Variants in SBK1 observed in about 807,000 individuals in gnomAD.
SBK1 encodes the protein SH3 domain binding kinase 1.
Under a neutral mutation model 24.4 loss-of-function variants are expected in SBK1, and 11 were observed. The ratio of observed to expected loss-of-function variants is 0.45; its 90% confidence interval spans 0.28 to 0.75. The LOEUF (loss-of-function observed/expected upper bound fraction) is 0.75. Ranked by LOEUF, SBK1 falls within the 30% of genes least tolerant of loss-of-function variation. The pLI is 0.12. For missense variants in SBK1, 467 were observed against 620.5 expected, an observed-to-expected ratio of 0.75 and a Z score of 2.63; for synonymous variants, 308 against 284.4, an observed-to-expected ratio of 1.08 and a Z score of -0.83.
At position 28,320,629 on chromosome 16, in the gene SBK1, G is replaced by A. The variant is rs1295720330; in HGVS notation, c.983G>A (p.Arg328His). The change falls in exon 4 of 4, where the codon CGC becomes CAC. Residue 328 changes from arginine to histidine, a missense_variant. Around this residue, in one of 4 missense-constraint regions of SBK1, gnomAD observed 86 missense variants for 121.7 expected, o/e 0.71. Transcript: ENST00000341901. The surrounding 1 kb of genome is among the most constrained non-coding windows in gnomAD (Gnocchi z 8.5). ...TSELRRRPSH[R>H]ARKPPGDRPP... ...GAGCTGCGCCGCCGGCCCTCGCACCGCGCGCGCAAGCCCCCCGGGGACCGC... is the reference window on the plus strand; with the variant it reads ...GAGCTGCGCCGCCGGCCCTCGCACCACGCGCGCAAGCCCCCCGGGGACCGC... The A allele has an allele frequency of 1.2e-5, 15 of 1,249,120 alleles. No individual in the cohort carries two copies. The highest frequency in any genetic ancestry group is 4.7e-5 in the South Asian group (2 of 42,678). The allele number at this position is 1,249,120 out of a possible 1,614,324, so 77.4% of individuals were successfully genotyped here. A position where few individuals can be genotyped will look rare whatever the true frequency, so the allele number is the denominator to read the frequency against.
At chr16:28,260,235 G>A (rs1350906016) in intron 1 of SBK1, among the ~76,000 whole-genome samples, 1 of 152,110 alleles carries the variant, frequency 6.6e-6, no homozygotes, top group African/African-American at 2.4e-5. Flanking sequence ...ATACCTATGT[G>A]GAGGGAAGGG....
intron 1 of SBK1, among the ~76,000 whole-genome samples, chr16:28,276,956 T>G (rs1480077657): frequency 2.6e-5 from 4 of 151,894 alleles, no homozygotes; most frequent in East Asian, 1.9e-4. Flanking sequence ...GAGCCACAGC[T>G]CCCGGGCGGT....
At chr16:28,275,435 TAAG>T (rs940619793) in intron 1 of SBK1, among the ~76,000 whole-genome samples, 2 of 152,002 alleles carry the variant, frequency 1.3e-5, no homozygotes, top group African/African-American at 4.8e-5. Flanking sequence ...GAAGAAATAA[TAAG>T]AACAAACAAA....
At chr16:28,292,414 G>T (rs995343667), upstream of SBK1, 1 of 528,204 alleles carries the variant, frequency 1.9e-6, no homozygotes, top group Non-Finnish European at 2.4e-6. Context: ...GCGCTTGCGC[G>T]AGGGCGCGCG....
chr16:28,299,919 C>T (rs568990695), intron 1 of SBK1, among the ~76,000 whole-genome samples: 3 of 152,346 alleles, frequency 2.0e-5, no homozygotes, highest in Admixed American at 1.3e-4. Context: ...CACAGCAGGT[C>T]CCACCTCTAG....
chr16:28,305,111 AC>A (rs768360527), intron 1 of SBK1, among the ~76,000 whole-genome samples: 3 of 151,854 alleles, frequency 2.0e-5, no homozygotes, highest in Non-Finnish European at 4.4e-5. Flanking sequence ...AGGCAAGGGG[AC>A]CAGAGCTGAA....
intron 1 of SBK1, among the ~76,000 whole-genome samples, chr16:28,308,959 C>T (rs2044736040): frequency 6.6e-6 from 1 of 152,088 alleles, no homozygotes; most frequent in African/African-American, 2.4e-5. Context: ...GATCTGAGCT[C>T]TTCTGCTTAC....
intron 1 of SBK1, among the ~76,000 whole-genome samples, chr16:28,263,037 T>A (rs937374217): frequency 3.9e-5 from 6 of 152,196 alleles, no homozygotes; most frequent in African/African-American, 1.4e-4. Context: ...ATGAGGTTTT[T>A]ATGAACCAAA....
At chr16:28,315,806 C>T (rs2044790930) in intron 1 of SBK1, among the ~76,000 whole-genome samples, 1 of 152,124 alleles carries the variant, frequency 6.6e-6, no homozygotes, top group Non-Finnish European at 1.5e-5. Context: ...TGTTCTGTCG[C>T]CCAGGCTGGA....
upstream of SBK1, among the ~76,000 whole-genome samples, chr16:28,287,788 C>T (rs909534393): frequency 6.6e-5 from 10 of 152,104 alleles, no homozygotes; most frequent in Middle Eastern, 3.2e-3. Flanking sequence ...CTCAGCTTCC[C>T]GAGTAGCTGA....
intron 1 of SBK1, among the ~76,000 whole-genome samples, chr16:28,279,093 G>GC (rs2044512905): frequency 6.6e-6 from 1 of 151,940 alleles, no homozygotes; most frequent in Admixed American, 6.6e-5. Context: ...TGTAATCCCA[G>GC]CTATGCGGGA....
chr16:28,279,654 C>A (rs1363930461), intron 1 of SBK1, among the ~76,000 whole-genome samples: 1 of 152,232 alleles, frequency 6.6e-6, no homozygotes. Context: ...ACAAGCAAGA[C>A]AAAGCCCAGG....
rs113223482 is a variant in SBK1, at chr16:28,283,651, T to C, written c.257+24149T>C. On this transcript the variant is annotated intron_variant, in intron 1 of 3. Coordinates refer to the SBK1 transcript ENST00000671413. Reference sequence around the variant, plus strand: ...ACAGTCGAACAAGTGAACCCCACCATTGGAACCCCTAATGGGTAGGGAAGG... The same window carrying C: ...ACAGTCGAACAAGTGAACCCCACCACTGGAACCCCTAATGGGTAGGGAAGG... Among the ~76,000 whole-genome samples, 993 of 152,212 alleles carry C rather than the reference T, an allele frequency of 6.5e-3. 6 individuals carry two copies. The highest frequency in any genetic ancestry group is 0.012 in the Non-Finnish European group (784 of 68,000).
upstream of SBK1, chr16:28,292,266 G>C (rs1394337743): frequency 8.2e-6 from 1 of 122,128 alleles, no homozygotes; most frequent in Non-Finnish European, 1.8e-5. Flanking sequence ...TGGGGTGGGT[G>C]GGGGGTGGGG....
rs999026505 is a variant in SBK1, at chr16:28,322,796, C to T, written c.*1875C>T. On this transcript the variant is annotated 3_prime_UTR_variant, in exon 4 of 4. Transcript: ENST00000341901. ...CACCTGGAGCCCATCGGGGCTGCCTCTCCCAGCCGCGACTTCTCCTTTTGC... is the reference window on the plus strand; with the variant it reads ...CACCTGGAGCCCATCGGGGCTGCCTTTCCCAGCCGCGACTTCTCCTTTTGC... 6.5e-6 allele frequency: 1 copy of T among 152,788 alleles called. No homozygotes were observed. Among genetic ancestry groups the T allele is most frequent in the Non-Finnish European group, 1.5e-5 (1 of 68,130 alleles). 9.5% of individuals were successfully genotyped at this position (152,788 alleles called of 1,614,324 possible). A position where few individuals can be genotyped will look rare whatever the true frequency, so the allele number is the denominator to read the frequency against.
At chr16:28,274,584 G>A (rs58809226) in intron 1 of SBK1, among the ~76,000 whole-genome samples, 10 of 152,190 alleles carry the variant, frequency 6.6e-5, no homozygotes, top group South Asian at 2.1e-4. Context: ...CCCAGGAGGC[G>A]GAGGTTGCAG....
At position 28,323,139 on chromosome 16, in the gene SBK1, C is replaced by G. The variant is rs1362418926; in HGVS notation, c.*2218C>G. 2 of 149,272 alleles carry G rather than the reference C, an allele frequency of 1.3e-5. No homozygotes were observed. The highest frequency in any genetic ancestry group is 4.4e-4 in the South Asian group (2 of 4,540). 9.2% of individuals were successfully genotyped at this position (149,272 alleles called of 1,614,324 possible). A position where few individuals can be genotyped will look rare whatever the true frequency, so the allele number is the denominator to read the frequency against. ...CAGAGGGCCAGCCTCCAGCCTGACC[C>G]CAGAGCAGAACCGGAACACCAGGTT... On this transcript the variant is annotated 3_prime_UTR_variant, in exon 4 of 4. Coordinates refer to ENST00000341901, the MANE Select transcript of SBK1 (RefSeq NM_001024401.3).
upstream of SBK1, chr16:28,290,381 T>C (rs573071180): frequency 7.2e-5 from 11 of 152,310 alleles, no homozygotes; most frequent in African/African-American, 2.6e-4. Context: ...ATGCCTGTAA[T>C]CCTAGCACTT....
Position 28,320,865 on chromosome 16 carries a change from G to A in SBK1, c.1219G>A (p.Ala407Thr). 9 of 1,497,636 alleles carry A rather than the reference G, an allele frequency of 6.0e-6. No individual in the cohort carries two copies. Among genetic ancestry groups the A allele is most frequent in the Non-Finnish European group, 8.0e-6 (9 of 1,127,928 alleles). The allele number at this position is 1,497,636 out of a possible 1,614,324, so 92.8% of individuals were successfully genotyped here. The change falls in exon 4 of 4, where the codon GCG becomes ACG. Residue 407 changes from alanine (A) to threonine (T), a missense_variant. By Grantham distance (58) the Ala-to-Thr change is moderately conservative. This residue lies in a region of SBK1 where 166 missense variants were observed against 146.8 expected (regional missense o/e 1.13). Transcript: ENST00000341901. This position sits in a 1 kb window ranked among gnomAD's most constrained non-coding sequence, Gnocchi z 8.5. ...QGPPGRTDGR[A>T]DKSKGQVVLA... ...GCCCCCCGGCCGGACCGACGGCCGC[G>A]CGGACAAGAGCAAAGGGCAGGTGGT...
Sources: gnomAD v4.1 joint callset for allele counts (sites outside exome capture counted in the v4.1 genomes callset) on GRCh38, gnomAD v4.1.1 for gene constraint, gnomAD v4.1.1 regional missense constraint, Gnocchi (gnomAD v3.1) non-coding constraint, MANE v1.5 for transcripts, NCBI Gene and HGNC (gene_info 2026-07-23, HGNC 2026-07-21) for gene names.